The following FBXL17 variants were observed in gnomAD, a reference collection of about 807,000 sequenced individuals.
FBXL17 encodes F-box/LRR-repeat protein 17.
FBXL17 carries 22 observed loss-of-function variants against 66.2 expected under a neutral mutation model. That is an observed-to-expected ratio of 0.33 (90% CI 0.24 to 0.47). The LOEUF is 0.47. Among genes scored for constraint, FBXL17 ranks in the 20% least tolerant of loss-of-function variants. The pLI is 1.00. For missense variants in FBXL17, 878 were observed against 948.2 expected (o/e 0.93, Z 0.97); for synonymous variants, 474 against 400.5 (o/e 1.18, Z -2.19).
At chr5:107,875,752 C>G (rs1188652407) in intron 8 of FBXL17, among the ~76,000 whole-genome samples, 1 of 152,220 alleles carries the variant, frequency 6.6e-6, no homozygotes, top group Non-Finnish European at 1.5e-5. Flanking sequence ...CTAAGAACTT[C>G]AGGAATTGGG....
chr5:107,925,613 T>G (rs934161032), intron 7 of FBXL17, among the ~76,000 whole-genome samples: 5 of 152,194 alleles, frequency 3.3e-5, no homozygotes, highest in Admixed American at 3.3e-4. Flanking sequence ...TCCCAGTTTC[T>G]TTTTCCTTTG....
At chr5:108,324,732 GTA>G (rs998847647) in intron 4 of FBXL17, among the ~76,000 whole-genome samples, 2 of 113,814 alleles carry the variant, frequency 1.8e-5, no homozygotes, top group Non-Finnish European at 3.9e-5. Context: ...GTGTGTATAT[GTA>G]TATATATGTG....
intron 5 of FBXL17, among the ~76,000 whole-genome samples, chr5:108,204,166 C>G (rs1302532537): frequency 6.6e-6 from 1 of 152,044 alleles, no homozygotes; most frequent in South Asian, 2.1e-4. Flanking sequence ...TAAAAATTCT[C>G]TACCATCTTA....
At chr5:108,226,617 A>C (rs1056379875) in intron 4 of FBXL17, among the ~76,000 whole-genome samples, 6 of 152,176 alleles carry the variant, frequency 3.9e-5, no homozygotes, top group African/African-American at 1.4e-4. Flanking sequence ...ATTTGGTTAA[A>C]CATTATTCTG....
chr5:108,000,943 C>T (rs1561360857), intron 7 of FBXL17, among the ~76,000 whole-genome samples: 1 of 152,160 alleles, frequency 6.6e-6, no homozygotes, highest in Non-Finnish European at 1.5e-5. Context: ...GCCCTTGAAT[C>T]CTAAGTGCTC....
chr5:108,097,294 C>G (rs1280710552), intron 6 of FBXL17, among the ~76,000 whole-genome samples: 1 of 152,170 alleles, frequency 6.6e-6, no homozygotes, highest in Non-Finnish European at 1.5e-5. Context: ...TCAATTAAAC[C>G]TCCTTTGTTT....
intron 6 of FBXL17, among the ~76,000 whole-genome samples, chr5:108,173,645 A>G (rs985677708): frequency 1.3e-5 from 2 of 152,222 alleles, no homozygotes; most frequent in African/African-American, 2.4e-5. Flanking sequence ...GGGGCAGGAT[A>G]TGTCACTAAA....
intron 6 of FBXL17, among the ~76,000 whole-genome samples, chr5:108,042,287 T>C (rs897720062): frequency 6.6e-6 from 1 of 152,188 alleles, no homozygotes; most frequent in African/African-American, 2.4e-5. Flanking sequence ...TTTCCCAGTT[T>C]CCACCATCTT....
chr5:107,930,802 G>A (rs1319684979), intron 7 of FBXL17, among the ~76,000 whole-genome samples: 1 of 152,122 alleles, frequency 6.6e-6, no homozygotes, highest in African/African-American at 2.4e-5. Flanking sequence ...TATTTATGAA[G>A]GTGACTGATT....
chr5:108,360,747 C>T (rs188822710), intron 3 of FBXL17, among the ~76,000 whole-genome samples: 27 of 152,206 alleles, frequency 1.8e-4, no homozygotes, highest in African/African-American at 6.5e-4. Flanking sequence ...GGATGTCCCA[C>T]CCATCTCTTA....
chr5:108,053,176 C>G (rs1312001233), intron 6 of FBXL17, among the ~76,000 whole-genome samples: 2 of 152,104 alleles, frequency 1.3e-5, no homozygotes, highest in Non-Finnish European at 2.9e-5. Context: ...GCAACTGCAA[C>G]AAAAGCCAAA....
chr5:107,903,273 T>C (rs1210740386), intron 7 of FBXL17, among the ~76,000 whole-genome samples: 1 of 152,146 alleles, frequency 6.6e-6, no homozygotes, highest in African/African-American at 2.4e-5. Context: ...AAATAAACTA[T>C]CACTGAAAAA....
chr5:107,957,443 A>C (rs1751707618), intron 7 of FBXL17, among the ~76,000 whole-genome samples: 1 of 152,206 alleles, frequency 6.6e-6, no homozygotes, highest in Non-Finnish European at 1.5e-5. Flanking sequence ...ACTCACAAGA[A>C]GAGAAGCTTT....
intron 6 of FBXL17, among the ~76,000 whole-genome samples, chr5:108,154,523 G>A (rs1751894750): frequency 6.8e-6 from 1 of 147,752 alleles, no homozygotes; most frequent in Non-Finnish European, 1.5e-5. Flanking sequence ...CTGGGAGGCG[G>A]AGGTTGCGGT....
intron 6 of FBXL17, among the ~76,000 whole-genome samples, chr5:108,072,551 T>TA (rs1051901962): frequency 2.2e-4 from 33 of 151,984 alleles, no homozygotes; most frequent in African/African-American, 8.0e-4. Flanking sequence ...AAAATATTTT[T>TA]AAAAAAATTA....
chr5:108,355,812 C>G (rs1180142716), intron 3 of FBXL17, among the ~76,000 whole-genome samples: 1 of 151,910 alleles, frequency 6.6e-6, no homozygotes, highest in Non-Finnish European at 1.5e-5. Context: ...GTATGGAAGA[C>G]AAAAATATTA....
intron 4 of FBXL17, among the ~76,000 whole-genome samples, chr5:108,326,365 G>A (rs1759852809): frequency 6.6e-6 from 1 of 152,004 alleles, no homozygotes; most frequent in Non-Finnish European, 1.5e-5. Context: ...GGCCAAGGCA[G>A]GCAGATAACC....
At chr5:108,183,036 T>C (rs1753072417) in intron 6 of FBXL17, among the ~76,000 whole-genome samples, 4 of 22,116 alleles carry the variant, frequency 1.8e-4, no homozygotes, top group South Asian at 0.015. Context: ...AGTTTTCTAT[T>C]TTTTTTTTTT....
At chr5:107,988,443 C>G (rs1421218835) in intron 7 of FBXL17, among the ~76,000 whole-genome samples, 1 of 151,916 alleles carries the variant, frequency 6.6e-6, no homozygotes, top group Non-Finnish European at 1.5e-5. Flanking sequence ...CTTTAGAGCA[C>G]TGAAAATTTG....
Sources: gnomAD v4.1 joint callset for allele counts (sites outside exome capture counted in the v4.1 genomes callset) on GRCh38, gnomAD v4.1.1 for gene constraint, MANE v1.5 for transcripts, NCBI Gene and HGNC (gene_info 2026-07-23, HGNC 2026-07-21) for gene names.